LMX1A: variants seen among roughly 807,000 people sequenced by gnomAD.
LMX1A encodes the protein LIM homeobox transcription factor 1 alpha.
LMX1A carries 15 observed loss-of-function variants against 49.1 expected under a neutral mutation model. The observed-to-expected ratio is 0.31, with a 90% CI of 0.20 to 0.47. LMX1A has a LOEUF of 0.47. Ranked by LOEUF, LMX1A falls within the 20% of genes least tolerant of loss-of-function variation. The pLI is 1.00. For synonymous variants in LMX1A, 167 were observed against 185.7 expected, an observed-to-expected ratio of 0.90 and a Z score of 0.82; for missense variants, 372 against 475.8, an observed-to-expected ratio of 0.78 and a Z score of 2.03.
chr1:165,221,468 C>T lies in LMX1A; in HGVS notation c.497-7655G>A, dbSNP rs995470102. Among the ~76,000 whole-genome samples the T allele has an allele frequency of 4.6e-5, 7 of 152,138 alleles. No individual in the cohort carries two copies. In the South Asian group the frequency reaches 6.2e-4, roughly 13 times the overall value. On this transcript the variant is annotated intron_variant, in intron 4 of 8. Coordinates refer to ENST00000342310, the MANE Select transcript of LMX1A (RefSeq NM_177398.4). ...GAATGCAAGGAAAATCTCCAAGCAC[C>T]GTGCACTAAGCACTCCAGGAGCAGA...
chr1:165,262,998 A>G (rs1190448513), intron 3 of LMX1A, among the ~76,000 whole-genome samples: 1 of 152,056 alleles, frequency 6.6e-6, no homozygotes, highest in Non-Finnish European at 1.5e-5. Context: ...GGACATCATC[A>G]ATCATTTGGC....
rs1378286492 is a variant in LMX1A, at chr1:165,202,443, G to A, written c.*1437C>T. 6.6e-6 allele frequency: 1 copy of A among 152,428 alleles called. No homozygotes were observed. Among genetic ancestry groups the A allele is most frequent in the Non-Finnish European group, 1.5e-5 (1 of 68,032 alleles). The allele number at this position is 152,428 out of a possible 1,614,324, so 9.4% of individuals were successfully genotyped here. Reference sequence around the variant, plus strand: ...CCTTCTGCCTCTATGAGCGCCATGAGGTTCTTTAGAAACAGACCCTCTAAA... The same window carrying A: ...CCTTCTGCCTCTATGAGCGCCATGAAGTTCTTTAGAAACAGACCCTCTAAA... On this transcript the variant is annotated 3_prime_UTR_variant, in exon 9 of 9. Coordinates refer to ENST00000342310, the MANE Select transcript of LMX1A (RefSeq NM_177398.4).
At chr1:165,282,373 A>C (rs1654180226) in intron 3 of LMX1A, among the ~76,000 whole-genome samples, 1 of 152,242 alleles carries the variant, frequency 6.6e-6, no homozygotes, top group South Asian at 2.1e-4. Context: ...TAGTATGTGC[A>C]TGTAACCTAC....
At chr1:165,204,422 A>C (rs547475398) in intron 8 of LMX1A, among the ~76,000 whole-genome samples, 40 of 152,320 alleles carry the variant, frequency 2.6e-4, no homozygotes, top group African/African-American at 8.7e-4. Flanking sequence ...AAACAAAAAG[A>C]AAGCTCTTTG....
chr1:165,316,125 G>C (rs1249430092), intron 3 of LMX1A, among the ~76,000 whole-genome samples: 1 of 152,170 alleles, frequency 6.6e-6, no homozygotes, highest in Non-Finnish European at 1.5e-5. Flanking sequence ...TTTATTTTTT[G>C]ACAGGAGTAA....
At chr1:165,277,578 G>C (rs1295401960) in intron 3 of LMX1A, among the ~76,000 whole-genome samples, 1 of 152,184 alleles carries the variant, frequency 6.6e-6, no homozygotes, top group African/African-American at 2.4e-5. Flanking sequence ...ATTGTGCAAA[G>C]CACCTGACTG....
At position 165,274,275 on chromosome 1, in the gene LMX1A, A is replaced by C. The variant is rs1002056580; in HGVS notation, c.264-24635T>G. 2.6e-5 allele frequency among the ~76,000 whole-genome samples: 4 copies of C among 152,210 alleles called. No homozygotes were observed. The East Asian group carries it at 7.7e-4, about 29-fold the overall frequency. ...ATTTGCACTTTAATCTTTGTGTTCA[A>C]GGAATATTTTACACATCTACCCTGG... On this transcript the variant is annotated intron_variant, in intron 3 of 8. Coordinates refer to ENST00000342310, the MANE Select transcript of LMX1A (RefSeq NM_177398.4).
chr1:165,321,950 C>T (rs575403417), intron 3 of LMX1A, among the ~76,000 whole-genome samples: 64 of 151,820 alleles, frequency 4.2e-4, no homozygotes, highest in African/African-American at 1.4e-3. Flanking sequence ...GTCTAATATC[C>T]GGAATATATA....
chr1:165,344,117 C>A (rs916258220), intron 3 of LMX1A, among the ~76,000 whole-genome samples: 6 of 152,224 alleles, frequency 3.9e-5, no homozygotes, highest in Non-Finnish European at 8.8e-5. Flanking sequence ...AAAACAAGTG[C>A]TGTGGTTGAA....
At chr1:165,321,407 T>C (rs980989658) in intron 3 of LMX1A, among the ~76,000 whole-genome samples, 2 of 152,210 alleles carry the variant, frequency 1.3e-5, no homozygotes, top group Non-Finnish European at 2.9e-5. Flanking sequence ...TTATGGTATG[T>C]CAATTATATC....
intron 4 of LMX1A, among the ~76,000 whole-genome samples, chr1:165,224,398 A>T (rs943668424): frequency 6.6e-6 from 1 of 152,218 alleles, no homozygotes; most frequent in Non-Finnish European, 1.5e-5. Context: ...CATTAAGTCT[A>T]GGCAGCCCCA....
At chr1:165,259,085 T>C (rs938998250) in intron 3 of LMX1A, among the ~76,000 whole-genome samples, 2 of 152,200 alleles carry the variant, frequency 1.3e-5, no homozygotes, top group African/African-American at 4.8e-5. Flanking sequence ...AATATTTATA[T>C]AAGATAATTT....
At chr1:165,266,687 C>T (rs1273495509) in intron 3 of LMX1A, among the ~76,000 whole-genome samples, 3 of 148,184 alleles carry the variant, frequency 2.0e-5, no homozygotes, top group South Asian at 2.2e-4. Context: ...CTGCCAGCTC[C>T]GCCTCCCGGG....
At chr1:165,311,735 G>C (rs1469091670) in intron 3 of LMX1A, among the ~76,000 whole-genome samples, 1 of 152,214 alleles carries the variant, frequency 6.6e-6, no homozygotes. Flanking sequence ...GAGGCTCCTG[G>C]AAAAGCAAGC....
chr1:165,273,526 A>G (rs1368365067), intron 3 of LMX1A, among the ~76,000 whole-genome samples: 1 of 152,184 alleles, frequency 6.6e-6, no homozygotes, highest in Non-Finnish European at 1.5e-5. Flanking sequence ...TCACCTTCCC[A>G]TCTGGGATCC....
At chr1:165,297,388 G>C (rs767640055) in intron 3 of LMX1A, among the ~76,000 whole-genome samples, 13 of 152,192 alleles carry the variant, frequency 8.5e-5, no homozygotes, top group Admixed American at 4.6e-4. Context: ...CCCAAGGAAG[G>C]AATATTGTAT....
At chr1:165,285,475 T>C (rs978907990) in intron 3 of LMX1A, among the ~76,000 whole-genome samples, 4 of 152,236 alleles carry the variant, frequency 2.6e-5, no homozygotes, top group African/African-American at 9.6e-5. Context: ...GCACACCTTT[T>C]CTGTTCTAAG....
intron 3 of LMX1A, among the ~76,000 whole-genome samples, chr1:165,348,628 T>C (rs1320362356): frequency 1.3e-5 from 2 of 152,184 alleles, no homozygotes; most frequent in Non-Finnish European, 2.9e-5. Context: ...AACAATTGCC[T>C]CTGTCATTTC....
At chr1:165,238,614 CA>C (rs1224861564) in intron 4 of LMX1A, among the ~76,000 whole-genome samples, 2 of 152,104 alleles carry the variant, frequency 1.3e-5, no homozygotes, top group African/African-American at 4.8e-5. Flanking sequence ...TGTGTAAACT[CA>C]GTTCAAATCA....
Sources: gnomAD v4.1 joint callset for allele counts (sites outside exome capture counted in the v4.1 genomes callset) on GRCh38, gnomAD v4.1.1 for gene constraint, MANE v1.5 for transcripts, NCBI Gene and HGNC (gene_info 2026-07-23, HGNC 2026-07-21) for gene names.